The following AFF2 variants were observed in gnomAD, a reference collection of about 807,000 sequenced individuals.
The protein encoded by AFF2 is ALF transcription elongation factor 2.
A neutral mutation model predicts 76.9 loss-of-function variants in AFF2; 14 were observed. The observed-to-expected ratio is 0.18, with a 90% CI of 0.12 to 0.28. AFF2 has a LOEUF of 0.28. Among genes scored for constraint, AFF2 ranks in the 10% least tolerant of loss-of-function variants. The pLI is 1.00. For synonymous variants in AFF2, 398 were observed against 366.7 expected (o/e 1.09, Z -0.98); for missense variants, 868 against 1,001.1 (o/e 0.87, Z 1.79).
chrX:148,670,421 A>G (rs1449502103), intron 3 of AFF2, among the ~76,000 whole-genome samples: 1 of 111,876 alleles, frequency 8.9e-6, no homozygotes, highest in African/African-American at 3.3e-5. Flanking sequence ...ATGTGTGCAT[A>G]TTAGTCATAT....
intron 3 of AFF2, among the ~76,000 whole-genome samples, chrX:148,752,608 G>GAAAATTT (rs782234867): frequency 1.7e-4 from 19 of 111,982 alleles, no homozygotes; most frequent in Non-Finnish European, 3.0e-4. Flanking sequence ...TATGTTGTGT[G>GAAAATTT]AAAATTTAAG....
chrX:148,941,323 C>A (rs976544561), intron 9 of AFF2, among the ~76,000 whole-genome samples: 1 of 111,653 alleles, frequency 9.0e-6, no homozygotes, highest in Non-Finnish European at 1.9e-5. Flanking sequence ...TAATCCCAAA[C>A]TGACTGAATA....
chrX:148,968,016 G>A (rs1269230144), intron 15 of AFF2, among the ~76,000 whole-genome samples: 5 of 111,686 alleles, frequency 4.5e-5, no homozygotes, highest in African/African-American at 9.8e-5. Flanking sequence ...TGGAAATGAT[G>A]TGCTTTTTTG....
At position 148,995,272 on chromosome X, in the gene AFF2, A is replaced by G. The variant is rs2072582228; in HGVS notation, c.*3940A>G. On this transcript the variant is annotated 3_prime_UTR_variant, in exon 21 of 21. Coordinates refer to ENST00000370460, the MANE Select transcript of AFF2 (RefSeq NM_002025.4). ...TGGCATCTGTGTATTCATAATCAGC[A>G]TTTACCCTGGCAGGAGACTAATCAG... 9.0e-6 allele frequency: 1 copy of G among 110,751 alleles called. No homozygotes were observed. The highest frequency in any genetic ancestry group is 9.7e-5 in the Admixed American group (1 of 10,342). The allele number at this position is 110,751 out of a possible 1,213,427, so 9.1% of individuals were successfully genotyped here.
chrX:148,507,173 C>A (rs1157684558), intron 1 of AFF2, among the ~76,000 whole-genome samples: 1 of 112,421 alleles, frequency 8.9e-6, no homozygotes, highest in Non-Finnish European at 1.9e-5. Flanking sequence ...AATACTGTCC[C>A]TCTGCCTGTG....
In AFF2 at chrX:148,869,467, G is replaced by A. The variant is rs145789339; in HGVS notation, c.1263-16422G>A. Among the ~76,000 whole-genome samples, 279 of 112,584 alleles carry A rather than the reference G, an allele frequency of 2.5e-3. 3 individuals are homozygous for A. In the East Asian group the frequency reaches 0.029, roughly 12 times the overall value. Reference sequence around the variant, plus strand: ...CATACATACTTAAACCAGTAGGAGGGACATGCCAGAGATGGTGAGCTCAGT... The same window carrying A: ...CATACATACTTAAACCAGTAGGAGGAACATGCCAGAGATGGTGAGCTCAGT... On this transcript the variant is annotated intron_variant, in intron 7 of 20. Coordinates refer to ENST00000370460, the MANE Select transcript of AFF2 (RefSeq NM_002025.4).
chrX:148,854,465 T>C (rs2070764705), intron 7 of AFF2, among the ~76,000 whole-genome samples: 1 of 111,583 alleles, frequency 9.0e-6, no homozygotes, highest in African/African-American at 3.3e-5. Context: ...AGTAAAGATG[T>C]AACGATACTA....
intron 3 of AFF2, among the ~76,000 whole-genome samples, chrX:148,701,012 AT>A (rs1312931722): frequency 3.0e-4 from 22 of 73,684 alleles, no homozygotes; most frequent in African/African-American, 8.2e-4. Flanking sequence ...GAGAGAGAGA[AT>A]GTGTGTGTGT....
In AFF2 at chrX:148,966,806, A is replaced by T; in HGVS notation, c.2930A>T (p.Lys977Ile). 1 of 1,211,013 alleles carries T rather than the reference A, an allele frequency of 8.3e-7. No individual in the cohort carries two copies. The highest frequency in any genetic ancestry group is 1.1e-6 in the Non-Finnish European group (1 of 895,055). Residue 977 changes from lysine to isoleucine, a missense_variant, in exon 14 of 21, where the codon AAA becomes ATA. This residue lies in a region of AFF2 where 532 missense variants were observed against 564.2 expected (regional missense o/e 0.94). Transcript: ENST00000370460. ...GISVNEGDTP[K>I]KASSATITVT... ...TTTTCCCAGGAGGGAGACACTCCAAAAAAGGCATCCTCTGCCACCATCACT... is the reference window on the plus strand; with the variant it reads ...TTTTCCCAGGAGGGAGACACTCCAATAAAGGCATCCTCTGCCACCATCACT...
intron 3 of AFF2, among the ~76,000 whole-genome samples, chrX:148,672,302 T>G (rs1022861309): frequency 2.0e-4 from 23 of 112,419 alleles, no homozygotes; most frequent in Non-Finnish European, 3.8e-4. Flanking sequence ...CTTTATACTT[T>G]GTAGTTTACA....
chrX:148,985,285 CTTTTTTTTTTTTTTTTTTTTTT>C (rs151339705), intron 19 of AFF2, among the ~76,000 whole-genome samples: 928 of 15,436 alleles, frequency 0.06, 54 homozygotes, highest in African/African-American at 0.17. Context: ...TGTGCCTGGC[CTTTTTTTTTTTTTTTTTTTTTT>C]TTTTTTTTTT....
intron 3 of AFF2, among the ~76,000 whole-genome samples, chrX:148,701,713 C>T (rs2054802336): frequency 8.9e-6 from 1 of 112,302 alleles, no homozygotes; most frequent in South Asian, 3.7e-4. Context: ...TACACTCACA[C>T]ACTCAGTTTT....
intron 3 of AFF2, among the ~76,000 whole-genome samples, chrX:148,679,598 G>T (rs1411246791): frequency 1.8e-5 from 2 of 111,732 alleles, no homozygotes; most frequent in South Asian, 3.7e-4. Flanking sequence ...ATTTTCACTT[G>T]TCTCTTTAAT....
chrX:148,824,304 G>A (rs1028599944), intron 4 of AFF2, among the ~76,000 whole-genome samples: 1 of 111,422 alleles, frequency 9.0e-6, no homozygotes, highest in African/African-American at 3.3e-5. Context: ...CCTGAGAAAA[G>A]CCATTCATTG....
intron 3 of AFF2, among the ~76,000 whole-genome samples, chrX:148,728,860 C>G (rs781837728): frequency 2.3e-4 from 26 of 111,986 alleles, no homozygotes; most frequent in Non-Finnish European, 4.3e-4. Context: ...AACAGGTTCC[C>G]CCTGCTTAGG....
intron 1 of AFF2, among the ~76,000 whole-genome samples, chrX:148,568,069 T>C (rs2053187767): frequency 9.0e-6 from 1 of 110,836 alleles, no homozygotes; most frequent in South Asian, 3.9e-4. Flanking sequence ...TGGTTCCTCA[T>C]AAGCTGAGTA....
chrX:148,593,368 G>T (rs782373863), intron 1 of AFF2, among the ~76,000 whole-genome samples: 1 of 112,429 alleles, frequency 8.9e-6, no homozygotes, highest in East Asian at 2.8e-4. Context: ...GGCAAAGAAC[G>T]TAAGTTTTGT....
At chrX:148,891,594 C>T (rs1395505280) in intron 8 of AFF2, among the ~76,000 whole-genome samples, 2 of 111,905 alleles carry the variant, frequency 1.8e-5, no homozygotes, top group Admixed American at 1.9e-4. Context: ...AAGCTCCCTC[C>T]AGCACATGTT....
chrX:148,583,095 G>A (rs1268594475), intron 1 of AFF2, among the ~76,000 whole-genome samples: 2 of 112,027 alleles, frequency 1.8e-5, no homozygotes, highest in Admixed American at 1.9e-4. Context: ...TAACTGTTTA[G>A]TGATGGAAGG....
Sources: gnomAD v4.1 joint callset for allele counts (sites outside exome capture counted in the v4.1 genomes callset) on GRCh38, gnomAD v4.1.1 for gene constraint, gnomAD v4.1.1 regional missense constraint, MANE v1.5 for transcripts, NCBI Gene and HGNC (gene_info 2026-07-23, HGNC 2026-07-21) for gene names.